PKD1L1: variants seen among roughly 807,000 people sequenced by gnomAD.
The protein encoded by PKD1L1 is polycystin-1-like protein 1.
A neutral mutation model predicts 323.4 loss-of-function variants in PKD1L1; 236 were observed. The ratio of observed to expected loss-of-function variants is 0.73; its 90% CI spans 0.66 to 0.81. The LOEUF (loss-of-function observed/expected upper bound fraction) is 0.81, where lower values mean the gene tolerates loss of function less well. Ranked by LOEUF, PKD1L1 falls within the 40% of genes least tolerant of loss-of-function variation. PKD1L1 has a pLI of 0.00. For missense variants in PKD1L1, 3,320 were observed against 3,508.0 expected (o/e 0.95, Z 1.35); for synonymous variants, 1,344 against 1,335.0 (o/e 1.01, Z -0.15).
the PKD1L1 span, among the ~76,000 whole-genome samples, chr7:47,953,720 A>G: frequency 6.6e-6 from 1 of 152,364 alleles, no homozygotes; most frequent in East Asian, 1.9e-4. Context: ...TGGGAAGGCC[A>G]AATTTGAACT....
chr7:47,836,157 T>A (rs1785452797), intron 37 of PKD1L1, among the ~76,000 whole-genome samples: 1 of 152,202 alleles, frequency 6.6e-6, no homozygotes, highest in Admixed American at 6.5e-5. Context: ...TGTGCGCTGT[T>A]ATTTTTTTAA....
At chr7:47,878,761 A>G (rs1214338914) in intron 21 of PKD1L1, among the ~76,000 whole-genome samples, 3 of 152,214 alleles carry the variant, frequency 2.0e-5, no homozygotes, top group Admixed American at 6.5e-5. Context: ...ACTTAGAGTC[A>G]CGAGGGGGCC....
chr7:47,853,658 A>T (rs969210774), intron 30 of PKD1L1, among the ~76,000 whole-genome samples: 2 of 151,452 alleles, frequency 1.3e-5, no homozygotes, highest in African/African-American at 4.9e-5. Context: ...CAGGAGAATC[A>T]CTTGAACCCG....
In PKD1L1 at chr7:47,796,151, C is replaced by T; in HGVS notation, c.8194-1G>A. The T allele has an allele frequency of 6.3e-7, 1 of 1,578,258 alleles. No homozygotes were observed. The highest frequency in any genetic ancestry group is 8.6e-7 in the Non-Finnish European group (1 of 1,166,970). ...GTAAAGTCATGAGAAAACCTCTCAGCTAGGAAAAAGAAAAAAATAAAGACA... is the reference window on the plus strand; with the variant it reads ...GTAAAGTCATGAGAAAACCTCTCAGTTAGGAAAAAGAAAAAAATAAAGACA... On this transcript the variant is annotated splice_acceptor_variant, in intron 54 of 56. Coordinates refer to ENST00000289672, the MANE Select transcript of PKD1L1 (RefSeq NM_138295.5). LOFTEE classifies it high-confidence loss of function.
chr7:47,829,593 G>A lies in PKD1L1; in HGVS notation c.6567C>T (p.Leu2189=). Residue 2189 remains leucine, a synonymous_variant, in exon 44 of 57, where the codon CTC becomes CTT. Transcript: ENST00000289672. ...IFITQPLMVC[L]MALGFAWKRR... The stretch of plus-strand genomic sequence containing the variant: ...TTTTCCAAGCAAAACCCAAGGCCAT[G>A]AGGCATACCTGGAAGGAAAAACATG... The A allele has an allele frequency of 6.2e-7, 1 of 1,608,826 alleles. No homozygotes were observed. The highest frequency in any genetic ancestry group is 8.5e-7 in the Non-Finnish European group (1 of 1,178,096).
At chr7:47,881,072 T>C (rs1375266597) in intron 20 of PKD1L1, among the ~76,000 whole-genome samples, 1 of 152,050 alleles carries the variant, frequency 6.6e-6, no homozygotes, top group Non-Finnish European at 1.5e-5. Flanking sequence ...AAGAGAATTC[T>C]GTTAGGATCT....
At chr7:47,917,040 G>C (rs1187739126) in intron 7 of PKD1L1, among the ~76,000 whole-genome samples, 2 of 152,154 alleles carry the variant, frequency 1.3e-5, no homozygotes, top group Admixed American at 1.3e-4. Context: ...GGAGGCACCA[G>C]AGAAAGGCAA....
At chr7:47,856,926 TCCTTGCTCTCTGC>T (rs1349861518) in intron 28 of PKD1L1, among the ~76,000 whole-genome samples, 2 of 152,080 alleles carry the variant, frequency 1.3e-5, no homozygotes, top group Non-Finnish European at 2.9e-5. Flanking sequence ...AAATAGAGAA[TCCTTGCTCTCTGC>T]CCTTCCAAAC....
chr7:47,849,011 T>C (rs955106265), intron 31 of PKD1L1, among the ~76,000 whole-genome samples: 2 of 152,082 alleles, frequency 1.3e-5, no homozygotes, highest in Admixed American at 6.5e-5. Context: ...TGTAGACCAA[T>C]GGAACAGAAT....
At chr7:47,852,738 G>A (rs999008554) in intron 31 of PKD1L1, among the ~76,000 whole-genome samples, 10 of 152,140 alleles carry the variant, frequency 6.6e-5, no homozygotes, top group African/African-American at 2.4e-4. Context: ...ACACAGAGAC[G>A]TCTCAGAAGT....
At position 47,936,878 on chromosome 7, in the gene PKD1L1, CTG is replaced by C; in HGVS notation, c.364_365del (p.Gln122GlyfsTer6). 6.2e-7 allele frequency: 1 copy of C among 1,613,524 alleles called. No homozygotes were observed. The highest frequency in any genetic ancestry group is 8.5e-7 in the Non-Finnish European group (1 of 1,179,902). On this transcript the variant is annotated frameshift_variant, in exon 4 of 57. Coordinates refer to ENST00000289672, the MANE Select transcript of PKD1L1 (RefSeq NM_138295.5). LOFTEE classifies it high-confidence loss of function. ...KTQAVVNEKT[Q>X]APLDCDNSAD... ...CACTGTTATCACAATCCAGAGGCGC[CTG>C]TGTTTTTTCATTAACAACAGCCTGT...
chr7:47,863,982 A>T (rs900700531), intron 26 of PKD1L1, among the ~76,000 whole-genome samples: 2 of 152,202 alleles, frequency 1.3e-5, no homozygotes, highest in African/African-American at 4.8e-5. Flanking sequence ...AGCAGGTTTG[A>T]TTTCACTAGA....
chr7:47,827,357 C>A lies in PKD1L1; in HGVS notation c.6847G>T (p.Ala2283Ser), dbSNP rs753530450. 2.8e-5 allele frequency: 45 copies of A among 1,610,728 alleles called. No individual in the cohort carries two copies. The highest frequency in any genetic ancestry group is 3.7e-5 in the Non-Finnish European group (44 of 1,178,618). ...RMRRESRTRA[A>S]LRDISMDILM... Reference sequence around the variant, plus strand: ...ACAGAAGCCGCCACCCACCTCAGGGCAGCCCGTGTGCGACTCTCTCTCCTC... The same window carrying A: ...ACAGAAGCCGCCACCCACCTCAGGGAAGCCCGTGTGCGACTCTCTCTCCTC... The change falls in exon 45 of 57, where the codon GCC becomes TCC. Residue 2283 changes from alanine (A) to serine (S), a missense_variant. By Grantham distance (99) the Ala-to-Ser change is moderately conservative (BLOSUM62 1). Transcript: ENST00000289672.
intron 24 of PKD1L1, among the ~76,000 whole-genome samples, chr7:47,873,668 A>AAG (rs1488205003): frequency 1.0e-4 from 15 of 145,354 alleles, no homozygotes; most frequent in African/African-American, 3.4e-4. Context: ...AAAAAAAAAA[A>AAG]AAAGAAGGAG....
chr7:47,891,702 T>C (rs1214239525), intron 15 of PKD1L1, among the ~76,000 whole-genome samples: 2 of 152,262 alleles, frequency 1.3e-5, no homozygotes, highest in Non-Finnish European at 2.9e-5. Context: ...CCCTGGGGTT[T>C]AGCTGGAATA....
intron 33 of PKD1L1, 143 bp downstream of exon 33, chr7:47,844,852 A>G (rs1045938409): frequency 3.8e-6 from 2 of 522,728 alleles, no homozygotes; most frequent in African/African-American, 3.8e-5. Context: ...AAAGATAATT[A>G]TCTACTAATA....
At position 47,803,319 on chromosome 7, in the gene PKD1L1, AG is replaced by A; in HGVS notation, c.7852del (p.Leu2618SerfsTer7). ...GCATTTTAATGTGAAGAGGAATAAG[AG>A]GATTCCCCGGAGCCATCGAGCCCTC... is the stretch of plus-strand genomic sequence containing the variant. The part of the protein sequence containing the change: ...NQRARWLRGI[L>X]LFLFTLKCVY... On this transcript the variant is annotated frameshift_variant, in exon 53 of 57. Coordinates refer to ENST00000289672, the MANE Select transcript of PKD1L1 (RefSeq NM_138295.5). LOFTEE classifies it high-confidence loss of function. 8.1e-6 allele frequency: 13 copies of A among 1,614,070 alleles called. No individual in the cohort carries two copies. The highest frequency in any genetic ancestry group is 1.0e-5 in the Non-Finnish European group (12 of 1,180,008).
At chr7:47,949,108 C>T (rs1248980115), upstream of PKD1L1, among the ~76,000 whole-genome samples, 6 of 151,588 alleles carry the variant, frequency 4.0e-5, no homozygotes, top group South Asian at 2.1e-4. Context: ...CGGTGGCTCA[C>T]GCCTATAATC....
At chr7:47,945,424 A>T (rs137919105) in intron 1 of PKD1L1, among the ~76,000 whole-genome samples, 118 of 152,324 alleles carry the variant, frequency 7.7e-4, no homozygotes, top group South Asian at 1.4e-3. Flanking sequence ...CAATATTTAT[A>T]GTTGAGGAAA....
Sources: gnomAD v4.1 joint callset for allele counts (sites outside exome capture counted in the v4.1 genomes callset) on GRCh38, gnomAD v4.1.1 for gene constraint, MANE v1.5 for transcripts, NCBI Gene and HGNC (gene_info 2026-07-23, HGNC 2026-07-21) for gene names.